GPC5: variants seen among roughly 807,000 people sequenced by gnomAD.
GPC5 encodes the protein glypican 5, also known as glypican-5.
GPC5 carries 47 observed loss-of-function variants against 53.9 expected under a neutral mutation model. That is an observed-to-expected ratio of 0.87 (90% CI 0.69 to 1.11). The LOEUF (loss-of-function observed/expected upper bound fraction) is 1.11, where lower values mean the gene tolerates loss of function less well. GPC5 is among the 50% of genes most tolerant of loss of function. GPC5 has a pLI of 0.00. For missense variants in GPC5, 748 were observed against 713.1 expected (o/e 1.05, Z -0.56); for synonymous variants, 286 against 263.3 (o/e 1.09, Z -0.84).
At chr13:92,301,786 T>C in intron 7 of GPC5, among the ~76,000 whole-genome samples, 1 of 152,058 alleles carries the variant, frequency 6.6e-6, no homozygotes, top group Non-Finnish European at 1.5e-5. Context: ...TAGTGCCAGC[T>C]ACTCGGGAGG....
chr13:92,117,116 CTTTCTTTCCTGTG>C (rs763821708), intron 6 of GPC5, among the ~76,000 whole-genome samples: 4 of 152,070 alleles, frequency 2.6e-5, no homozygotes, highest in Non-Finnish European at 4.4e-5. Flanking sequence ...AGGTCACAAA[CTTTCTTTCCTGTG>C]TTTCTTTCTA....
intron 6 of GPC5, among the ~76,000 whole-genome samples, chr13:92,000,543 G>T (rs1176576397): frequency 6.6e-6 from 1 of 152,096 alleles, no homozygotes; most frequent in Non-Finnish European, 1.5e-5. Flanking sequence ...TGTTGGCATT[G>T]TGTTTGTTTA....
chr13:91,940,261 T>C (rs909566803), intron 6 of GPC5, among the ~76,000 whole-genome samples: 1 of 152,210 alleles, frequency 6.6e-6, no homozygotes, highest in Admixed American at 6.5e-5. Context: ...TTTCTATTCC[T>C]GCATTAATTT....
At chr13:92,779,985 C>T (rs1372350101) in intron 7 of GPC5, among the ~76,000 whole-genome samples, 1 of 152,080 alleles carries the variant, frequency 6.6e-6, no homozygotes, top group East Asian at 1.9e-4. Context: ...AAAGTTAAGA[C>T]TGTGAACAGA....
chr13:91,436,318 G>A (rs1355459464), intron 1 of GPC5, among the ~76,000 whole-genome samples: 2 of 150,344 alleles, frequency 1.3e-5, no homozygotes, highest in Non-Finnish European at 3.0e-5. Flanking sequence ...TCTCTTGTGG[G>A]CATTTAGTGC....
At chr13:92,208,794 G>T (rs1472547279) in intron 7 of GPC5, among the ~76,000 whole-genome samples, 2 of 152,090 alleles carry the variant, frequency 1.3e-5, no homozygotes, top group African/African-American at 2.4e-5. Flanking sequence ...TTCAGATAAA[G>T]GATAACAAGC....
At chr13:92,452,369 A>G (rs1878096904) in intron 7 of GPC5, among the ~76,000 whole-genome samples, 1 of 152,192 alleles carries the variant, frequency 6.6e-6, no homozygotes, top group South Asian at 2.1e-4. Context: ...GATTTACTCA[A>G]CAACAAAAAT....
intron 5 of GPC5, among the ~76,000 whole-genome samples, chr13:91,850,748 T>C (rs920184258): frequency 5.3e-5 from 8 of 152,156 alleles, no homozygotes; most frequent in African/African-American, 1.2e-4. Flanking sequence ...TTGTTAGATA[T>C]GTCTCTACAT....
Position 92,166,997 on chromosome 13 carries a change from T to TATACACAC in GPC5, c.1561+22009_1561+22016dup, listed in dbSNP as rs1343408071. On this transcript the variant is annotated intron_variant, in intron 7 of 7. Coordinates refer to ENST00000377067, the MANE Select transcript of GPC5 (RefSeq NM_004466.6). ...ACACACACACACACACACACACACA[T>TATACACAC]ATACACACGCCCTATCCTGAACAGT... Among the ~76,000 whole-genome samples, 46 of 128,430 alleles carry TATACACAC rather than the reference T, an allele frequency of 3.6e-4. 1 individual carries two copies. The highest frequency in any genetic ancestry group is 1.5e-3 in the South Asian group (6 of 4,096). The allele number at this position is 128,430 out of a possible 152,430, so 84.3% of individuals were successfully genotyped here. A position where few individuals can be genotyped will look rare whatever the true frequency, so the allele number is the denominator to read the frequency against.
rs1372869936 is a variant in GPC5 at position 91,499,708 on chromosome 13, G to A, written c.325+50786G>A. Reference sequence around the variant, plus strand: ...TCTTTCATCAGGTTTGTCCCATACAGTTACTCTTCTGCCACCTTTCAGAGA... The same window carrying A: ...TCTTTCATCAGGTTTGTCCCATACAATTACTCTTCTGCCACCTTTCAGAGA... On this transcript the variant is annotated intron_variant, in intron 2 of 7. Coordinates refer to ENST00000377067, the MANE Select transcript of GPC5 (RefSeq NM_004466.6). 2.6e-5 allele frequency among the ~76,000 whole-genome samples: 4 copies of A among 152,298 alleles called. No individual in the cohort carries two copies. The East Asian group carries it at 7.7e-4, about 29-fold the overall frequency.
intron 7 of GPC5, among the ~76,000 whole-genome samples, chr13:92,375,347 A>G (rs2043685688): frequency 1.3e-5 from 2 of 152,308 alleles, no homozygotes; most frequent in African/African-American, 4.8e-5. Flanking sequence ...TGTCTTGGTC[A>G]CTTGATATGA....
At chr13:92,382,389 C>T (rs112476699) in intron 7 of GPC5, among the ~76,000 whole-genome samples, 127 of 152,090 alleles carry the variant, frequency 8.4e-4, no homozygotes, top group Non-Finnish European at 1.3e-3. Flanking sequence ...AAAAGAAAAG[C>T]CTGGTTTCGC....
chr13:91,638,280 A>G (rs2034332251), intron 2 of GPC5, among the ~76,000 whole-genome samples: 1 of 152,134 alleles, frequency 6.6e-6, no homozygotes, highest in African/African-American at 2.4e-5. Flanking sequence ...TCTCATTTCT[A>G]AATCTTTGTA....
At chr13:91,708,722 G>A (rs2036162844) in intron 3 of GPC5, among the ~76,000 whole-genome samples, 1 of 152,128 alleles carries the variant, frequency 6.6e-6, no homozygotes, top group Non-Finnish European at 1.5e-5. Context: ...AAATTACAAT[G>A]TATACTTTTG....
chr13:92,119,614 G>T (rs1326838144), intron 6 of GPC5, among the ~76,000 whole-genome samples: 2 of 124,670 alleles, frequency 1.6e-5, no homozygotes, highest in South Asian at 2.4e-4. Context: ...TAGAGACGGG[G>T]TTTCACCATG....
intron 7 of GPC5, among the ~76,000 whole-genome samples, chr13:92,370,378 C>T (rs2043640548): frequency 2.0e-5 from 3 of 152,146 alleles, no homozygotes; most frequent in Admixed American, 2.0e-4. Flanking sequence ...AGAATTAATA[C>T]TTTGCAGTTA....
At chr13:92,691,702 A>G (rs572942535) in intron 7 of GPC5, among the ~76,000 whole-genome samples, 1 of 152,230 alleles carries the variant, frequency 6.6e-6, no homozygotes, top group African/African-American at 2.4e-5. Context: ...TTAACATGAC[A>G]TAATTCTCCA....
At chr13:92,192,069 G>A (rs1185068688) in intron 7 of GPC5, among the ~76,000 whole-genome samples, 4 of 152,168 alleles carry the variant, frequency 2.6e-5, no homozygotes, top group African/African-American at 7.2e-5. Flanking sequence ...ATTAGTCGTT[G>A]CTAAGGGTTA....
At chr13:91,658,419 CT>C in intron 2 of GPC5, among the ~76,000 whole-genome samples, 1 of 152,096 alleles carries the variant, frequency 6.6e-6, no homozygotes, top group South Asian at 2.1e-4. Context: ...CATAATCATT[CT>C]TTTTCAAAGA....
Sources: gnomAD v4.1 joint callset for allele counts (sites outside exome capture counted in the v4.1 genomes callset) on GRCh38, gnomAD v4.1.1 for gene constraint, MANE v1.5 for transcripts, NCBI Gene and HGNC (gene_info 2026-07-23, HGNC 2026-07-21) for gene names.